PDE4D: variants seen among roughly 807,000 people sequenced by gnomAD.
The protein encoded by PDE4D is 3',5'-cyclic-AMP phosphodiesterase 4D.
PDE4D carries 24 observed loss-of-function variants against 87.4 expected under a neutral mutation model. That is an observed-to-expected ratio of 0.27 (90% CI 0.20 to 0.39). The LOEUF is 0.39. Ranked by LOEUF, PDE4D falls within the 10% of genes least tolerant of loss-of-function variation. The probability of loss-of-function intolerance (pLI) is 1.00; values close to 1 mark genes in which losing one functional copy is unlikely to be tolerated. For synonymous variants in PDE4D, 384 were observed against 383.2 expected (o/e 1.00, Z -0.02); for missense variants, 714 against 1,041.0 (o/e 0.69, Z 4.32).
intron 2 of PDE4D, among the ~76,000 whole-genome samples, chr5:60,141,633 G>C (rs1780545097): frequency 2.0e-5 from 3 of 152,164 alleles, no homozygotes; most frequent in Admixed American, 2.0e-4. Flanking sequence ...ACCTGATCCT[G>C]GTCACCCTTT....
chr5:60,066,058 A>T (rs1005385206), intron 2 of PDE4D, among the ~76,000 whole-genome samples: 2 of 152,190 alleles, frequency 1.3e-5, no homozygotes, highest in African/African-American at 4.8e-5. Flanking sequence ...CCAACAGTGT[A>T]AAAGTGTTCC....
intron 2 of PDE4D, among the ~76,000 whole-genome samples, chr5:59,194,424 G>T (rs572017515): frequency 6.6e-6 from 1 of 152,048 alleles, no homozygotes; most frequent in African/African-American, 2.4e-5. Flanking sequence ...TAAACTTTTC[G>T]CTCACTCATG....
At chr5:59,835,479 C>G (rs1200296681) in intron 1 of PDE4D, among the ~76,000 whole-genome samples, 1 of 152,028 alleles carries the variant, frequency 6.6e-6, no homozygotes, top group Non-Finnish European at 1.5e-5. Context: ...CATGCCTTAT[C>G]ACTGGGCTAT....
intron 1 of PDE4D, among the ~76,000 whole-genome samples, chr5:59,619,431 A>G (rs540810038): frequency 2.0e-5 from 3 of 152,336 alleles, no homozygotes; most frequent in African/African-American, 7.2e-5. Context: ...GCATATCACA[A>G]TCATCTGTGG....
chr5:59,327,036 C>G (rs1368971148), intron 1 of PDE4D, among the ~76,000 whole-genome samples: 2 of 151,670 alleles, frequency 1.3e-5, no homozygotes, highest in Non-Finnish European at 2.9e-5. Flanking sequence ...TTTTTTAGCA[C>G]TATTCTTTAT....
At chr5:59,148,754 G>GGTGTGT (rs3061422) in intron 5 of PDE4D, among the ~76,000 whole-genome samples, 14,137 of 145,454 alleles carry the variant, frequency 0.097, 735 homozygotes, top group Admixed American at 0.14. Flanking sequence ...AATATATAGC[G>GGTGTGT]GTGTGTGTGT....
intron 1 of PDE4D, among the ~76,000 whole-genome samples, chr5:59,890,363 T>C (rs1750786414): frequency 6.6e-6 from 1 of 152,124 alleles, no homozygotes; most frequent in Non-Finnish European, 1.5e-5. Context: ...CTTTAATTTA[T>C]CTGAACACTC....
At chr5:59,349,077 C>T (rs943778818) in intron 1 of PDE4D, among the ~76,000 whole-genome samples, 4 of 151,908 alleles carry the variant, frequency 2.6e-5, no homozygotes, top group East Asian at 1.9e-4. Flanking sequence ...TGAGACCCTG[C>T]CTCTAAAATA....
chr5:59,153,623 A>T (rs1394526657), intron 5 of PDE4D, among the ~76,000 whole-genome samples: 1 of 152,200 alleles, frequency 6.6e-6, no homozygotes, highest in Non-Finnish European at 1.5e-5. Context: ...GAAGAGATGT[A>T]AAAGAGTCAG....
intron 1 of PDE4D, among the ~76,000 whole-genome samples, chr5:59,575,105 C>T (rs574720794): frequency 6.6e-6 from 1 of 152,190 alleles, no homozygotes; most frequent in South Asian, 2.1e-4. Flanking sequence ...TGAGGCAGAG[C>T]TTTATGCTGT....
At chr5:59,351,065 T>C (rs1172020278) in intron 1 of PDE4D, among the ~76,000 whole-genome samples, 4 of 152,212 alleles carry the variant, frequency 2.6e-5, no homozygotes, top group African/African-American at 9.6e-5. Context: ...TCACAAAATT[T>C]GTGAAATGTT....
At chr5:60,364,779 A>G (rs1338269716) in intron 1 of PDE4D, among the ~76,000 whole-genome samples, 1 of 152,206 alleles carries the variant, frequency 6.6e-6, no homozygotes, top group Non-Finnish European at 1.5e-5. Context: ...CTTCTTAGAA[A>G]TGTAGATTAA....
intron 1 of PDE4D, among the ~76,000 whole-genome samples, chr5:60,517,275 C>T (rs1347748536): frequency 6.6e-6 from 1 of 152,214 alleles, no homozygotes; most frequent in Non-Finnish European, 1.5e-5. Context: ...GCTGCAGGTG[C>T]CCCTTGGCAT....
chr5:60,410,294 A>G (rs1741937096), intron 1 of PDE4D, among the ~76,000 whole-genome samples: 2 of 152,068 alleles, frequency 1.3e-5, no homozygotes, highest in South Asian at 2.1e-4. Context: ...GACTATGCCT[A>G]TGGGTCCAGA....
intron 1 of PDE4D, among the ~76,000 whole-genome samples, chr5:60,506,813 G>A (rs1750345181): frequency 6.6e-6 from 1 of 151,936 alleles, no homozygotes; most frequent in South Asian, 2.1e-4. Context: ...AACAAGGATA[G>A]GACTTCCCGT....
In PDE4D at chr5:59,842,020, T is replaced by C. The variant is rs139699154; in HGVS notation, c.455+51148A>G. Among the ~76,000 whole-genome samples the C allele has an allele frequency of 6.6e-4, 101 of 152,028 alleles. No individual in the cohort carries two copies. In the East Asian group the frequency reaches 0.019, roughly 28 times the overall value. On this transcript the variant is annotated intron_variant, in intron 1 of 14. Coordinates refer to ENST00000340635, the MANE Select transcript of PDE4D (RefSeq NM_001104631.2). The stretch of plus-strand genomic sequence containing the variant: ...CTAGGTGATATGTTGGAATGGTTTC[T>C]AGGAATAGGTGCTAGGAAGTTATTG...
chr5:59,255,954 A>G (rs1760888483), intron 1 of PDE4D, among the ~76,000 whole-genome samples: 1 of 152,128 alleles, frequency 6.6e-6, no homozygotes, highest in African/African-American at 2.4e-5. Flanking sequence ...TCAGCCATAT[A>G]CCGATTGACA....
chr5:59,794,298 G>T (rs1298796410), intron 1 of PDE4D, among the ~76,000 whole-genome samples: 1 of 152,204 alleles, frequency 6.6e-6, no homozygotes, highest in East Asian at 1.9e-4. Flanking sequence ...GAGACAGAAA[G>T]AAGATGAGTC....
intron 3 of PDE4D, among the ~76,000 whole-genome samples, chr5:59,944,722 G>A (rs533736996): frequency 1.3e-5 from 2 of 152,294 alleles, no homozygotes; most frequent in African/African-American, 4.8e-5. Context: ...TTTACTTAAT[G>A]ATGAAGGTAT....
Sources: allele counts gnomAD v4.1 joint callset (sites outside exome capture counted in the v4.1 genomes callset), GRCh38; gene constraint gnomAD v4.1.1; transcripts MANE v1.5; gene names NCBI Gene and HGNC (gene_info 2026-07-23, HGNC 2026-07-21).